IQSEC1: variants seen among roughly 807,000 people sequenced by gnomAD.
IQSEC1 encodes IQ motif and SEC7 domain-containing protein 1.
IQSEC1 carries 31 observed loss-of-function variants against 91.0 expected under a neutral mutation model. That is an observed-to-expected ratio of 0.34 (90% confidence interval 0.26 to 0.46). The LOEUF is 0.46. Ranked by LOEUF, IQSEC1 falls within the 20% of genes least tolerant of loss-of-function variation. The pLI, the probability that IQSEC1 is intolerant of heterozygous loss-of-function variation, is 1.00. For synonymous variants in IQSEC1, 699 were observed against 662.6 expected (o/e 1.05, Z -0.84); for missense variants, 1,388 against 1,575.6 (o/e 0.88, Z 2.02).
Position 12,899,678 on chromosome 3 carries a change from T to C in IQSEC1, c.*1305A>G. On this transcript the variant is annotated 3_prime_UTR_variant, in exon 14 of 14. Coordinates refer to ENST00000613206, the MANE Select transcript of IQSEC1 (RefSeq NM_001134382.3). ...CTGCTAGCACATGGCTACATGGAAT[T>C]ACGGTGATCACTGCTACCACTCAGA... 1 of 985,382 alleles carries C rather than the reference T, an allele frequency of 1.0e-6. No homozygotes were observed. Among genetic ancestry groups the C allele is most frequent in the Non-Finnish European group, 1.2e-6 (1 of 829,916 alleles). The allele number at this position is 985,382 out of a possible 1,614,324, so 61.0% of individuals were successfully genotyped here. A position where few individuals can be genotyped will look rare whatever the true frequency, so the allele number is the denominator to read the frequency against.
chr3:12,910,242 A>G (rs752203952), intron 10 of IQSEC1, among the ~76,000 whole-genome samples: 1 of 152,232 alleles, frequency 6.6e-6, no homozygotes, highest in Non-Finnish European at 1.5e-5. Flanking sequence ...CCAGGCTGTC[A>G]GTTTGAGACC....
intron 1 of IQSEC1, among the ~76,000 whole-genome samples, chr3:13,275,483 C>T (rs932063487): frequency 6.6e-6 from 1 of 152,212 alleles, no homozygotes. Context: ...CGACCTGTTA[C>T]AACCAATGAC....
At chr3:13,120,084 G>C (rs556593869) in intron 2 of IQSEC1, among the ~76,000 whole-genome samples, 12 of 152,332 alleles carry the variant, frequency 7.9e-5, no homozygotes, top group African/African-American at 2.9e-4. Flanking sequence ...CTGGCACAGG[G>C]ACACCTGGGG....
At position 13,103,130 on chromosome 3, in the gene IQSEC1, C is replaced by A. The variant is rs949978871; in HGVS notation, c.303-55608G>T. ...CCAGGGCCCCAGGGCTCTGCCCCAG[C>A]CCCTCCCTGGCCCATGTCCCCGGCT... is the stretch of plus-strand genomic sequence containing the variant. On this transcript the variant is annotated intron_variant, in intron 2 of 15. Coordinates refer to the IQSEC1 transcript ENST00000648114. The surrounding 1 kb of genome is among the most constrained non-coding windows in gnomAD (Gnocchi z 4.1). Among the ~76,000 whole-genome samples, 1 of 151,804 alleles carries A rather than the reference C, an allele frequency of 6.6e-6. No individual in the cohort carries two copies. The highest frequency in any genetic ancestry group is 6.6e-5 in the Admixed American group (1 of 15,258).
chr3:12,899,767 C>T lies in IQSEC1; in HGVS notation c.*1216G>A, dbSNP rs553318812. ...AAACGCTAAAGTCAACCTTCAGGTT[C>T]GAGAGTGGTTCCTGATGAAAACACT... On this transcript the variant is annotated 3_prime_UTR_variant, in exon 14 of 14. Transcript: ENST00000613206. 15 of 985,294 alleles carry T rather than the reference C, an allele frequency of 1.5e-5. No individual in the cohort carries two copies. Among genetic ancestry groups the T allele is most frequent in the South Asian group, 4.7e-5 (1 of 21,282 alleles). The allele number at this position is 985,294 out of a possible 1,614,324, so 61.0% of individuals were successfully genotyped here. A position where few individuals can be genotyped will look rare whatever the true frequency, so the allele number is the denominator to read the frequency against.
At chr3:13,165,655 C>A (rs1298537550) in intron 1 of IQSEC1, among the ~76,000 whole-genome samples, 1 of 151,128 alleles carries the variant, frequency 6.6e-6, no homozygotes, top group East Asian at 2.0e-4. Flanking sequence ...CTGTGAGCAG[C>A]CCCTCTGGAA....
At chr3:13,177,791 G>A (rs1041100904) in intron 1 of IQSEC1, among the ~76,000 whole-genome samples, 1 of 152,240 alleles carries the variant, frequency 6.6e-6, no homozygotes, top group Non-Finnish European at 1.5e-5. Flanking sequence ...TGGCCATGCT[G>A]CAAGTCCCAG....
At chr3:12,980,451 T>C (rs1701396191) in intron 1 of IQSEC1, among the ~76,000 whole-genome samples, 1 of 152,342 alleles carries the variant, frequency 6.6e-6, no homozygotes, top group Non-Finnish European at 1.5e-5. Flanking sequence ...CCACAGACAA[T>C]TGTTTCTCTA....
intron 1 of IQSEC1, among the ~76,000 whole-genome samples, chr3:13,171,368 C>G (rs773366250): frequency 1.4e-4 from 21 of 152,188 alleles, no homozygotes; most frequent in Non-Finnish European, 2.4e-4. Flanking sequence ...TGGGAGGCTA[C>G]AGAGGCTTAA....
Position 12,967,819 on chromosome 3 carries a change from G to T in IQSEC1, c.24-25954C>A. On this transcript the variant is annotated intron_variant, in intron 1 of 13. Transcript: ENST00000613206. This position sits in a 1 kb window ranked among gnomAD's most constrained non-coding sequence, Gnocchi z 5.9. ...GGGGCGGGGCTGCGCGCGGGGGCGA[G>T]ACTGCACGGAGCGTGTGGGGAAGAG... 1 of 396,700 alleles carries T rather than the reference G, an allele frequency of 2.5e-6. No individual in the cohort carries two copies. The highest frequency in any genetic ancestry group is 3.4e-6 in the Non-Finnish European group (1 of 292,882). The allele number at this position is 396,700 out of a possible 1,614,324, so 24.6% of individuals were successfully genotyped here. A position where few individuals can be genotyped will look rare whatever the true frequency, so the allele number is the denominator to read the frequency against.
intron 1 of IQSEC1, among the ~76,000 whole-genome samples, chr3:13,030,334 A>T (rs1230921027): frequency 2.0e-5 from 3 of 152,308 alleles, no homozygotes; most frequent in Admixed American, 6.5e-5. Flanking sequence ...TCCTGGTCTC[A>T]AGTGATCCTC....
At chr3:12,937,547 T>A (rs1363050174) in intron 2 of IQSEC1, among the ~76,000 whole-genome samples, 2 of 152,206 alleles carry the variant, frequency 1.3e-5, no homozygotes, top group Non-Finnish European at 2.9e-5. Context: ...TGAGTTCTAA[T>A]CCAGGCTATG....
chr3:13,083,987 A>AG (rs1379522534), intron 2 of IQSEC1, among the ~76,000 whole-genome samples: 2 of 151,974 alleles, frequency 1.3e-5, no homozygotes, highest in Non-Finnish European at 2.9e-5. Context: ...CAGGGAGGTG[A>AG]GGGGAAGGGG....
At chr3:13,241,732 G>A (rs1695023959) in intron 1 of IQSEC1, among the ~76,000 whole-genome samples, 1 of 152,264 alleles carries the variant, frequency 6.6e-6, no homozygotes, top group Non-Finnish European at 1.5e-5. Flanking sequence ...AGGGCTGGCA[G>A]GTCCTTGCCA....
chr3:12,955,594 G>A (rs1197576714), intron 1 of IQSEC1, among the ~76,000 whole-genome samples: 3 of 152,222 alleles, frequency 2.0e-5, no homozygotes, highest in African/African-American at 7.2e-5. Context: ...CACATGCTGG[G>A]GACCAGAGCA....
At chr3:12,920,387 C>G (rs753786898) in intron 6 of IQSEC1, 43 bp downstream of exon 6, 1 of 1,602,978 alleles carries the variant, frequency 6.2e-7, no homozygotes, top group South Asian at 1.1e-5. Context: ...GGGGCAGGTG[C>G]TGGAGCAAAT....
At position 12,915,693 on chromosome 3, in the gene IQSEC1, C is replaced by T; in HGVS notation, c.2061G>A (p.Met687Ile). Reference sequence around the variant, plus strand: ...GCTTACGGATCCGTTCATAGATCCCCATCAGCATCTCACGGGGAATGTCCT... The same window carrying T: ...GCTTACGGATCCGTTCATAGATCCCTATCAGCATCTCACGGGGAATGTCCT... Reference protein sequence around the residue: ...DGEDIPREMLMGIYERIRKRE... With the variant: ...DGEDIPREMLIGIYERIRKRE... The change falls in exon 7 of 14, where the codon ATG (methionine) becomes ATA (isoleucine). Residue 687 changes from methionine to isoleucine, a missense_variant. Physicochemically the swap from Met to Ile is conservative, Grantham distance 10 (BLOSUM62 1). Around this residue, in one of 2 missense-constraint regions of IQSEC1, gnomAD observed 1,059 missense variants for 1,317.8 expected, o/e 0.80. Transcript: ENST00000613206. 3 of 1,614,174 alleles carry T rather than the reference C, an allele frequency of 1.9e-6. No individual in the cohort carries two copies. Among genetic ancestry groups the T allele is most frequent in the Non-Finnish European group, 2.5e-6 (3 of 1,180,016 alleles).
In IQSEC1 at chr3:12,911,849, G is replaced by A. The variant is rs978833264; in HGVS notation, c.2317-121C>T. 1.2e-4 allele frequency: 86 copies of A among 716,084 alleles called. No individual in the cohort carries two copies. The East Asian group carries it at 2.3e-3, about 19-fold the overall frequency. The allele number at this position is 716,084 out of a possible 1,614,324, so 44.4% of individuals were successfully genotyped here. ...CAGGAGGACAGGGACAAGCCCACGT[G>A]AGTGGAGGGCATGGGCTTCCACTCC... On this transcript the variant is annotated intron_variant, in intron 9 of 13. Coordinates refer to ENST00000613206, the MANE Select transcript of IQSEC1 (RefSeq NM_001134382.3).
chr3:12,913,669 T>C lies in IQSEC1; in HGVS notation c.2191-116A>G, dbSNP rs564634956. The C allele has an allele frequency of 1.1e-4, 113 of 999,130 alleles. No homozygotes were observed. The African/African-American group carries it at 1.8e-3, about 16-fold the overall frequency. 61.9% of individuals were successfully genotyped at this position (999,130 alleles called of 1,614,324 possible). On this transcript the variant is annotated intron_variant, in intron 8 of 13. Transcript: ENST00000613206. ...AGAAACCCGGCACGTGGGCCTTGAG[T>C]TAAAAAATGCCTTCCCTCACAGACA...
Sources: gnomAD v4.1 joint callset for allele counts (sites outside exome capture counted in the v4.1 genomes callset) on GRCh38, gnomAD v4.1.1 for gene constraint, gnomAD v4.1.1 regional missense constraint, Gnocchi (gnomAD v3.1) non-coding constraint, MANE v1.5 for transcripts, NCBI Gene and HGNC (gene_info 2026-07-23, HGNC 2026-07-21) for gene names.